CLVS2: variants seen among roughly 807,000 people sequenced by gnomAD.
CLVS2 encodes the protein clavesin-2.
CLVS2 carries 19 observed loss-of-function variants against 29.0 expected under a neutral mutation model. The observed-to-expected ratio is 0.66, with a 90% CI of 0.46 to 0.96. The LOEUF (loss-of-function observed/expected upper bound fraction) is 0.96. CLVS2 is among the 40% of genes least tolerant of loss of function. CLVS2 has a pLI of 0.00. For synonymous variants in CLVS2, 161 were observed against 151.3 expected (o/e 1.06, Z -0.47); for missense variants, 294 against 404.1 (o/e 0.73, Z 2.34).
At chr6:123,046,225 T>C (rs1348035501) in intron 3 of CLVS2, among the ~76,000 whole-genome samples, 1 of 152,228 alleles carries the variant, frequency 6.6e-6, no homozygotes, top group Non-Finnish European at 1.5e-5. Context: ...TGATTGGGTA[T>C]TGATCAAGTA....
chr6:123,029,903 GT>G (rs1775058795), intron 3 of CLVS2, among the ~76,000 whole-genome samples: 1 of 152,188 alleles, frequency 6.6e-6, no homozygotes, highest in Admixed American at 6.5e-5. Flanking sequence ...CGATGAAGCA[GT>G]TTTTGTCAAG....
In CLVS2 at chr6:123,066,124, C is replaced by A. The variant is rs1366226124; in HGVS notation, c.*2363C>A. On this transcript the variant is annotated 3_prime_UTR_variant, in exon 6 of 6. Coordinates refer to ENST00000275162, the MANE Select transcript of CLVS2 (RefSeq NM_001010852.4). ...ATATCTAGTTCATTCTGTGAATAAA[C>A]TCATTTTCTAGTAATGTTTGTGAAC... is the stretch of plus-strand genomic sequence containing the variant. 6.6e-6 allele frequency: 1 copy of A among 151,586 alleles called. No individual in the cohort carries two copies. The highest frequency in any genetic ancestry group is 1.5e-5 in the Non-Finnish European group (1 of 67,732). The allele number at this position is 151,586 out of a possible 1,614,324, so 9.4% of individuals were successfully genotyped here. A position where few individuals can be genotyped will look rare whatever the true frequency, so the allele number is the denominator to read the frequency against.
chr6:123,059,506 G>GT (rs2114367595), intron 5 of CLVS2, among the ~76,000 whole-genome samples: 1 of 152,278 alleles, frequency 6.6e-6, no homozygotes, highest in African/African-American at 2.4e-5. Context: ...CTGCCCATCA[G>GT]TGGCCCCCTT....
intron 5 of CLVS2, among the ~76,000 whole-genome samples, chr6:123,061,502 A>G (rs1330120430): frequency 1.3e-5 from 2 of 152,318 alleles, no homozygotes; most frequent in East Asian, 3.9e-4. Context: ...AAAAAGAAAA[A>G]GAATTAATCA....
intron 3 of CLVS2, among the ~76,000 whole-genome samples, chr6:123,023,803 A>T (rs1442092624): frequency 6.6e-6 from 1 of 152,138 alleles, no homozygotes; most frequent in African/African-American, 2.4e-5. Flanking sequence ...TATCATGTCC[A>T]GATTTTAATT....
At chr6:123,002,633 T>C (rs6910881) in intron 2 of CLVS2, among the ~76,000 whole-genome samples, 6 of 96,520 alleles carry the variant, frequency 6.2e-5, no homozygotes, top group Admixed American at 2.3e-4. Flanking sequence ...CAGGAATAGA[T>C]TAAAACAGTC....
chr6:123,035,710 C>T (rs893736443), intron 3 of CLVS2, among the ~76,000 whole-genome samples: 4 of 151,920 alleles, frequency 2.6e-5, no homozygotes, highest in African/African-American at 9.7e-5. Context: ...TTGCTTTGTT[C>T]AGTTAGGTAT....
chr6:123,047,852 T>G (rs767290118), intron 3 of CLVS2, among the ~76,000 whole-genome samples: 2 of 152,134 alleles, frequency 1.3e-5, no homozygotes, highest in Non-Finnish European at 2.9e-5. Flanking sequence ...CATACTCAAG[T>G]GCAGTGTCAA....
At chr6:123,012,484 TC>T (rs752032505) in intron 3 of CLVS2, among the ~76,000 whole-genome samples, 44 of 151,824 alleles carry the variant, frequency 2.9e-4, no homozygotes, top group Non-Finnish European at 5.2e-4. Context: ...CTCATATTTT[TC>T]TTTCCCAAGA....
At chr6:123,017,599 T>C (rs1774856467) in intron 3 of CLVS2, among the ~76,000 whole-genome samples, 2 of 152,108 alleles carry the variant, frequency 1.3e-5, no homozygotes, top group African/African-American at 4.8e-5. Context: ...ACCCTAAAGT[T>C]GCTTTATTTC....
chr6:123,029,478 T>C (rs1251043207), intron 3 of CLVS2, among the ~76,000 whole-genome samples: 1 of 152,078 alleles, frequency 6.6e-6, no homozygotes, highest in Non-Finnish European at 1.5e-5. Context: ...AAACAGTTGA[T>C]GGAGAGGTGA....
intron 3 of CLVS2, among the ~76,000 whole-genome samples, chr6:123,025,009 C>A (rs1774981286): frequency 6.6e-6 from 1 of 152,242 alleles, no homozygotes; most frequent in Admixed American, 6.5e-5. Context: ...TGAGCCAGTT[C>A]TCAGACTCCA....
chr6:123,003,501 G>A (rs1774620469), intron 2 of CLVS2, among the ~76,000 whole-genome samples: 1 of 152,076 alleles, frequency 6.6e-6, no homozygotes, highest in African/African-American at 2.4e-5. Context: ...GTAACATGAA[G>A]GAAAGGATAC....
intron 3 of CLVS2, among the ~76,000 whole-genome samples, chr6:123,012,920 T>C (rs1774771941): frequency 6.6e-6 from 1 of 152,046 alleles, no homozygotes; most frequent in Admixed American, 6.6e-5. Context: ...ATAGATTTGA[T>C]GTGTTACTAA....
At chr6:123,020,332 G>A (rs956301890) in intron 3 of CLVS2, among the ~76,000 whole-genome samples, 9 of 152,092 alleles carry the variant, frequency 5.9e-5, no homozygotes, top group African/African-American at 2.2e-4. Flanking sequence ...TGCCATATCA[G>A]TGCTCAAAAA....
chr6:123,005,590 T>C (rs1701826256), intron 2 of CLVS2, among the ~76,000 whole-genome samples: 1 of 152,206 alleles, frequency 6.6e-6, no homozygotes, highest in African/African-American at 2.4e-5. Flanking sequence ...ATTAAGTTGA[T>C]CTTTGCACTG....
At position 123,065,122 on chromosome 6, in the gene CLVS2, G is replaced by A. The variant is rs1772833684; in HGVS notation, c.*1361G>A. 1 of 151,824 alleles carries A rather than the reference G, an allele frequency of 6.6e-6. No homozygotes were observed. Among genetic ancestry groups the A allele is most frequent in the Admixed American group, 6.6e-5 (1 of 15,222 alleles). The allele number at this position is 151,824 out of a possible 1,614,324, so 9.4% of individuals were successfully genotyped here. A position where few individuals can be genotyped will look rare whatever the true frequency, so the allele number is the denominator to read the frequency against. On this transcript the variant is annotated 3_prime_UTR_variant, in exon 6 of 6. Transcript: ENST00000275162. Reference sequence around the variant, plus strand: ...TATTGGAAGGCATCTATGACAACATGTAATCATTTATACGTGGATTTAGAA... The same window carrying A: ...TATTGGAAGGCATCTATGACAACATATAATCATTTATACGTGGATTTAGAA...
chr6:123,055,378 G>C (rs1772678124), intron 4 of CLVS2, among the ~76,000 whole-genome samples: 1 of 152,178 alleles, frequency 6.6e-6, no homozygotes, highest in African/African-American at 2.4e-5. Context: ...GTAATAACTT[G>C]CATAGGCTCT....
At chr6:123,049,448 T>G (rs567353673) in intron 4 of CLVS2, among the ~76,000 whole-genome samples, 1 of 152,124 alleles carries the variant, frequency 6.6e-6, no homozygotes, top group South Asian at 2.1e-4. Flanking sequence ...CTCTGAAAAG[T>G]AAATTTAGTA....
Sources: allele counts gnomAD v4.1 joint callset (sites outside exome capture counted in the v4.1 genomes callset), GRCh38; gene constraint gnomAD v4.1.1; transcripts MANE v1.5; gene names NCBI Gene and HGNC (gene_info 2026-07-23, HGNC 2026-07-21).